SPTAN1: variants seen among roughly 807,000 people sequenced by gnomAD.
SPTAN1 encodes the protein spectrin alpha chain, non-erythrocytic 1.
A neutral mutation model predicts 331.3 loss-of-function variants in SPTAN1; 61 were observed. The observed-to-expected ratio is 0.18, with a 90% CI of 0.15 to 0.23. The LOEUF is 0.23. Ranked by LOEUF, SPTAN1 falls within the 10% of genes least tolerant of loss-of-function variation. The pLI, the probability that SPTAN1 is intolerant of heterozygous loss-of-function variation, is 1.00. For missense variants in SPTAN1, 2,043 were observed against 3,147.9 expected, an observed-to-expected ratio of 0.65 and a Z score of 8.40; for synonymous variants, 1,153 against 1,173.9, an observed-to-expected ratio of 0.98 and a Z score of 0.36.
Position 128,619,001 on chromosome 9 carries a change from C to G in SPTAN1, c.5731C>G (p.Gln1911Glu). The change falls in exon 44 of 57, where the codon CAG becomes GAG. Residue 1911 changes from glutamine to glutamate, a missense_variant and splice_region_variant. This residue lies in a region of SPTAN1 where 323 missense variants were observed against 581.1 expected (regional missense o/e 0.56). Transcript: ENST00000372739. ...EDYGDTLAAI[Q>E]GLLKKHEAFE... ...TTATGGCGACACTCTTGCCGCCATC[C>G]AGGTGAGACAGAAACCAAAGGTGTC... The G allele has an allele frequency of 6.2e-7, 1 of 1,613,692 alleles. No individual in the cohort carries two copies. Among genetic ancestry groups the G allele is most frequent in the Non-Finnish European group, 8.5e-7 (1 of 1,179,868 alleles).
intron 19 of SPTAN1, among the ~76,000 whole-genome samples, chr9:128,586,503 T>A (rs1020455004): frequency 8.5e-5 from 13 of 152,094 alleles, no homozygotes; most frequent in African/African-American, 2.9e-4. Context: ...TCACTCACCT[T>A]CAACCGTTAA....
chr9:128,617,878 C>G (rs1282400031), intron 42 of SPTAN1, 109 bp from the exon 43 acceptor site: 2 of 1,611,996 alleles, frequency 1.2e-6, no homozygotes, highest in African/African-American at 2.7e-5. Flanking sequence ...CCCCTCAGTC[C>G]AAACCTGGAG....
chr9:128,594,428 G>GT, intron 24 of SPTAN1, 55 bp downstream of exon 24: 26 of 600,772 alleles, frequency 4.3e-5, no homozygotes, highest in Middle Eastern at 4.9e-4. Context: ...TGAGTCTCTT[G>GT]ATTTTTTTTT....
At chr9:128,575,174 T>C in intron 4 of SPTAN1, 25 bp from the exon 5 acceptor site, 2 of 1,614,178 alleles carry the variant, frequency 1.2e-6, no homozygotes, top group Non-Finnish European at 1.7e-6. Flanking sequence ...TTGGTGACTC[T>C]GGCTCTCTTA....
In SPTAN1 at chr9:128,581,019, G is replaced by A. The variant is rs2131089805; in HGVS notation, c.1421G>A (p.Arg474Gln). The A allele has an allele frequency of 1.2e-6, 2 of 1,614,096 alleles. No individual in the cohort carries two copies. The highest frequency in any genetic ancestry group is 8.5e-7 in the Non-Finnish European group (1 of 1,180,042). The change falls in exon 11 of 57, where the codon CGG (arginine) becomes CAG (glutamine). Residue 474 changes from arginine to glutamine, a missense_variant. Around this residue, in one of 12 missense-constraint regions of SPTAN1, gnomAD observed 1,038 missense variants for 1,531.5 expected, o/e 0.68. Transcript: ENST00000372739. ...EQCMDLQLFY[R>Q]DTEQVDNWMS... ...TGCATGGACCTGCAGCTCTTCTACCGGGACACTGAGCAGGTGGACAACTGG... is the reference window on the plus strand; with the variant it reads ...TGCATGGACCTGCAGCTCTTCTACCAGGACACTGAGCAGGTGGACAACTGG...
At chr9:128,570,631 C>T (rs574458883) in intron 3 of SPTAN1, among the ~76,000 whole-genome samples, 3 of 151,712 alleles carry the variant, frequency 2.0e-5, no homozygotes, top group African/African-American at 7.3e-5. Context: ...AGCCACCGTG[C>T]CCAGCCCAGA....
At position 128,591,362 on chromosome 9, in the gene SPTAN1, G is replaced by T. The variant is rs181117376; in HGVS notation, c.3007-115G>T. On this transcript the variant is annotated intron_variant, in intron 21 of 56. Transcript: ENST00000372739. ...ATTATAGGTGTGAGCCACTGTGGCC[G>T]GCCGTTTTGGACCTCTTAAAACAAC... 27 of 1,382,002 alleles carry T rather than the reference G, an allele frequency of 2.0e-5. No individual in the cohort carries two copies. The East Asian group carries it at 2.3e-4, about 12-fold the overall frequency. 85.6% of individuals were successfully genotyped at this position (1,382,002 alleles called of 1,614,324 possible).
At chr9:128,618,281 G>T (rs1857422674) in intron 43 of SPTAN1, among the ~76,000 whole-genome samples, 173 bp downstream of exon 43, 1 of 152,068 alleles carries the variant, frequency 6.6e-6, no homozygotes, top group Non-Finnish European at 1.5e-5. Flanking sequence ...TGCTGAGGTG[G>T]TCTCATTCTG....
At chr9:128,593,889 CT>C (rs937622353) in intron 23 of SPTAN1, 5 of 434,488 alleles carry the variant, frequency 1.2e-5, no homozygotes, top group African/African-American at 1.0e-4. Context: ...GTTTCAGTCC[CT>C]TGTGGTTGTG....
intron 39 of SPTAN1, among the ~76,000 whole-genome samples, 163 bp downstream of exon 39, chr9:128,612,409 G>T (rs1198887313): frequency 6.6e-6 from 1 of 152,196 alleles, no homozygotes; most frequent in African/African-American, 2.4e-5. Flanking sequence ...GGATTTATGA[G>T]CAAAGGGAGT....
chr9:128,598,694 G>C, intron 25 of SPTAN1, 190 bp downstream of exon 25: 1 of 678,496 alleles, frequency 1.5e-6, no homozygotes, highest in Non-Finnish European at 2.6e-6. Context: ...ACTTTCACTT[G>C]GTTTGGAGGG....
At chr9:128,584,923 C>T in intron 18 of SPTAN1, 80 bp downstream of exon 18, 1 of 1,561,978 alleles carries the variant, frequency 6.4e-7, no homozygotes, top group South Asian at 1.1e-5. Flanking sequence ...GCCACGTGGG[C>T]ATCACAAACC....
chr9:128,587,728 G>A (rs1347121753), intron 20 of SPTAN1, 30 bp downstream of exon 20: 4 of 1,603,744 alleles, frequency 2.5e-6, no homozygotes, highest in Non-Finnish European at 2.6e-6. Context: ...TGGGTTACTG[G>A]AGGGAGGCCT....
At position 128,568,884 on chromosome 9, in the gene SPTAN1, C is replaced by G; in HGVS notation, c.350C>G (p.Ser117Cys). 6.2e-7 allele frequency: 1 copy of G among 1,614,102 alleles called. No individual in the cohort carries two copies. The highest frequency in any genetic ancestry group is 8.5e-7 in the Non-Finnish European group (1 of 1,179,972). ...NLMISEGHFASETIRTRLMEL... is the reference protein window; with the variant it reads ...NLMISEGHFACETIRTRLMEL... ...ATGATCTCAGAAGGGCATTTTGCATCTGAAACCATACGGGTGAGTATGAGT... is the reference window on the plus strand; with the variant it reads ...ATGATCTCAGAAGGGCATTTTGCATGTGAAACCATACGGGTGAGTATGAGT... The change falls in exon 3 of 57, where the codon TCT becomes TGT. Residue 117 changes from serine (S) to cysteine (C), a missense_variant. Transcript: ENST00000372739.
At chr9:128,628,003 T>TC in intron 51 of SPTAN1, 61 bp downstream of exon 51, 1 of 1,607,722 alleles carries the variant, frequency 6.2e-7, no homozygotes, top group South Asian at 1.1e-5. Flanking sequence ...CGCTTGCCCC[T>TC]CGTGGCCTGG....
chr9:128,625,086 C>G lies in SPTAN1; in HGVS notation c.5993-17C>G. 6.2e-7 allele frequency: 1 copy of G among 1,613,698 alleles called. No homozygotes were observed. The highest frequency in any genetic ancestry group is 1.1e-5 in the South Asian group (1 of 91,070). On this transcript the variant is annotated splice_polypyrimidine_tract_variant and intron_variant, in intron 46 of 56. Coordinates refer to ENST00000372739, the MANE Select transcript of SPTAN1 (RefSeq NM_001130438.3). The surrounding 1 kb of genome is among the most constrained non-coding windows in gnomAD (Gnocchi z 4.1). ...CCACTGAGGAGGGCAGTATATTTTC[C>G]ACACTTCGTTTTCTAGGTGAAAAGG...
chr9:128,580,315 A>G (rs1304533049), intron 10 of SPTAN1, among the ~76,000 whole-genome samples: 1 of 150,678 alleles, frequency 6.6e-6, no homozygotes, highest in Non-Finnish European at 1.5e-5. Flanking sequence ...TAAAATATGT[A>G]TATATATACA....
At position 128,582,782 on chromosome 9, in the gene SPTAN1, G is replaced by A; in HGVS notation, c.1739G>A (p.Arg580His). The change falls in exon 14 of 57, where the codon CGT (arginine) becomes CAT (histidine). Residue 580 changes from arginine to histidine, a missense_variant. Physicochemically the swap from Arg to His is conservative, Grantham distance 29. Transcript: ENST00000372739. Reference sequence around the variant, plus strand: ...TCTTTCCATCTGCAGCAGTTTTTCCGTGATTCTGATGAGCTCAAGAGTTGG... The same window carrying A: ...TCTTTCCATCTGCAGCAGTTTTTCCATGATTCTGATGAGCTCAAGAGTTGG... ...ADSFHLQQFFRDSDELKSWVN... is the reference protein window; with the variant it reads ...ADSFHLQQFFHDSDELKSWVN... The A allele has an allele frequency of 1.2e-6, 2 of 1,613,994 alleles. No homozygotes were observed. The highest frequency in any genetic ancestry group is 1.7e-6 in the Non-Finnish European group (2 of 1,180,044).
At chr9:128,624,961 C>CT (rs1304156432) in intron 46 of SPTAN1, 142 bp from the exon 47 acceptor site, 21 of 793,524 alleles carry the variant, frequency 2.6e-5, no homozygotes, top group Non-Finnish European at 1.5e-5. Context: ...GAGGGGCCTG[C>CT]TAATGTGGGT....
Sources: allele counts gnomAD v4.1 joint callset (sites outside exome capture counted in the v4.1 genomes callset), GRCh38; gene constraint gnomAD v4.1.1; regional missense constraint gnomAD v4.1.1; non-coding constraint Gnocchi (gnomAD v3.1); transcripts MANE v1.5; gene names NCBI Gene and HGNC (gene_info 2026-07-23, HGNC 2026-07-21).